The following HS3ST2 variants were observed in gnomAD, a reference collection of about 807,000 sequenced individuals.
HS3ST2 encodes heparan sulfate glucosamine 3-O-sulfotransferase 2.
HS3ST2 carries 17 observed loss-of-function variants against 26.3 expected under a neutral mutation model. The observed-to-expected ratio is 0.65, with a 90% confidence interval of 0.44 to 0.97. The LOEUF is 0.97. HS3ST2 is among the 50% of genes least tolerant of loss of function. The probability of loss-of-function intolerance (pLI) is 0.00; values close to 1 mark genes in which losing one functional copy is unlikely to be tolerated. For missense variants in HS3ST2, 402 were observed against 501.2 expected, an observed-to-expected ratio of 0.80 and a Z score of 1.89; for synonymous variants, 237 against 219.2, an observed-to-expected ratio of 1.08 and a Z score of -0.72.
chr16:22,872,365 T>C (rs896291783), intron 1 of HS3ST2, among the ~76,000 whole-genome samples: 2 of 152,230 alleles, frequency 1.3e-5, no homozygotes, highest in Admixed American at 6.5e-5. Context: ...ATACCAAATA[T>C]AGCAAATGCT....
intron 1 of HS3ST2, among the ~76,000 whole-genome samples, chr16:22,870,846 C>T (rs565102289): frequency 6.6e-6 from 1 of 152,250 alleles, no homozygotes; most frequent in South Asian, 2.1e-4. Flanking sequence ...ATTTTTGCTG[C>T]TTAGGACTTA....
At chr16:22,846,371 T>C (rs1306386411) in intron 1 of HS3ST2, among the ~76,000 whole-genome samples, 16 of 152,192 alleles carry the variant, frequency 1.1e-4, no homozygotes, top group Admixed American at 1.0e-3. Flanking sequence ...AATAATCTCA[T>C]TGCAAACCCT....
intron 1 of HS3ST2, among the ~76,000 whole-genome samples, chr16:22,842,426 C>A (rs1056307173): frequency 6.6e-6 from 1 of 151,970 alleles, no homozygotes; most frequent in African/African-American, 2.4e-5. Flanking sequence ...TATCATTTTT[C>A]AAGAATACAA....
chr16:22,862,380 C>T (rs931154486), intron 1 of HS3ST2, among the ~76,000 whole-genome samples: 2 of 151,656 alleles, frequency 1.3e-5, no homozygotes, highest in African/African-American at 4.9e-5. Flanking sequence ...TTTGATTGGC[C>T]TCCCACCATG....
chr16:22,907,348 T>C (rs1902369473), intron 1 of HS3ST2, among the ~76,000 whole-genome samples: 1 of 152,204 alleles, frequency 6.6e-6, no homozygotes, highest in Non-Finnish European at 1.5e-5. Flanking sequence ...TAATTGGATT[T>C]GCTCCAGAAA....
intron 1 of HS3ST2, among the ~76,000 whole-genome samples, chr16:22,882,219 A>G (rs1289781752): frequency 2.0e-5 from 3 of 152,070 alleles, no homozygotes; most frequent in African/African-American, 7.2e-5. Context: ...AAAATTGGCC[A>G]GGCATGGCGG....
intron 1 of HS3ST2, among the ~76,000 whole-genome samples, chr16:22,899,943 C>A (rs1043744054): frequency 3.7e-4 from 57 of 152,216 alleles, no homozygotes; most frequent in African/African-American, 1.4e-3. Flanking sequence ...TTTGTGTTGG[C>A]AATCAGATAT....
intron 1 of HS3ST2, among the ~76,000 whole-genome samples, chr16:22,900,004 C>T (rs1902262456): frequency 6.6e-6 from 1 of 152,184 alleles, no homozygotes. Flanking sequence ...AGTGCTCTGC[C>T]CTGCTGAGTA....
intron 1 of HS3ST2, among the ~76,000 whole-genome samples, chr16:22,884,090 A>G (rs1347861708): frequency 6.6e-6 from 1 of 152,210 alleles, no homozygotes. Context: ...AGGGTCAAGA[A>G]AGGCATTGAG....
intron 1 of HS3ST2, among the ~76,000 whole-genome samples, chr16:22,828,779 T>C (rs2141177438): frequency 1.3e-5 from 2 of 152,354 alleles, no homozygotes; most frequent in Middle Eastern, 3.4e-3. Flanking sequence ...AGTTAAGTCA[T>C]TGCAAAGCTC....
intron 1 of HS3ST2, among the ~76,000 whole-genome samples, chr16:22,840,539 C>G (rs568391732): frequency 6.6e-6 from 1 of 152,020 alleles, no homozygotes; most frequent in South Asian, 2.1e-4. Flanking sequence ...TGTGCCACCA[C>G]GCCTGGCTAA....
intron 1 of HS3ST2, among the ~76,000 whole-genome samples, chr16:22,871,143 A>T (rs1213266477): frequency 6.6e-6 from 1 of 152,112 alleles, no homozygotes; most frequent in East Asian, 1.9e-4. Flanking sequence ...GGATCACGAG[A>T]TCAGGAGATG....
intron 1 of HS3ST2, among the ~76,000 whole-genome samples, chr16:22,902,142 G>C (rs1312538406): frequency 2.0e-5 from 3 of 152,110 alleles, no homozygotes; most frequent in African/African-American, 7.2e-5. Flanking sequence ...TAAACTTACT[G>C]TTCTACAACC....
chr16:22,832,855 G>A (rs1046488239), intron 1 of HS3ST2, among the ~76,000 whole-genome samples: 3 of 151,816 alleles, frequency 2.0e-5, no homozygotes, highest in African/African-American at 7.3e-5. Flanking sequence ...CCACCAGACA[G>A]CCTCAGGACT....
At chr16:22,839,287 A>T (rs1287680582) in intron 1 of HS3ST2, among the ~76,000 whole-genome samples, 3 of 152,234 alleles carry the variant, frequency 2.0e-5, no homozygotes, top group Non-Finnish European at 4.4e-5. Context: ...AACACATCAG[A>T]CTGTTTACTT....
At chr16:22,858,604 G>A (rs887620643) in intron 1 of HS3ST2, among the ~76,000 whole-genome samples, 11 of 151,396 alleles carry the variant, frequency 7.3e-5, no homozygotes, top group African/African-American at 1.5e-4. Context: ...AGCTATTCTC[G>A]GGAAGTAGTC....
chr16:22,844,729 T>C (rs1027595102), intron 1 of HS3ST2, among the ~76,000 whole-genome samples: 15 of 152,168 alleles, frequency 9.9e-5, no homozygotes, highest in Non-Finnish European at 1.8e-4. Flanking sequence ...AAGACGTGCT[T>C]GCTTCACCTT....
Position 22,857,001 on chromosome 16 carries a change from T to C in HS3ST2, c.485+41906T>C, listed in dbSNP as rs533855136. On this transcript the variant is annotated intron_variant, in intron 1 of 1. Coordinates refer to ENST00000261374, the MANE Select transcript of HS3ST2 (RefSeq NM_006043.2). ...TCCTTAATACAATGTACATATAATA[T>C]ATTCGAGGCACTATCCTAGGTGTTT... Among the ~76,000 whole-genome samples, 13 of 152,260 alleles carry C rather than the reference T, an allele frequency of 8.5e-5. 1 individual carries two copies. In the East Asian group the frequency reaches 2.5e-3, roughly 29 times the overall value.
At chr16:22,828,160 C>T (rs1021089773) in intron 1 of HS3ST2, among the ~76,000 whole-genome samples, 13 of 152,186 alleles carry the variant, frequency 8.5e-5, no homozygotes, top group African/African-American at 2.7e-4. Flanking sequence ...AAGAACATTA[C>T]GTTCTACTGT....
Sources: allele counts gnomAD v4.1 joint callset (sites outside exome capture counted in the v4.1 genomes callset), GRCh38; gene constraint gnomAD v4.1.1; transcripts MANE v1.5; gene names NCBI Gene and HGNC (gene_info 2026-07-23, HGNC 2026-07-21).